STS: variants seen among roughly 807,000 people sequenced by gnomAD.
STS encodes steryl-sulfatase.
STS carries 7 observed loss-of-function variants against 26.8 expected under a neutral mutation model. The ratio of observed to expected loss-of-function variants is 0.26; its 90% CI spans 0.15 to 0.49. The LOEUF is 0.49. Ranked by LOEUF, STS falls within the 20% of genes least tolerant of loss-of-function variation. The pLI, the probability that STS is intolerant of heterozygous loss-of-function variation, is 0.98. For synonymous variants in STS, 199 were observed against 189.4 expected (o/e 1.05, Z -0.42); for missense variants, 434 against 465.6 (o/e 0.93, Z 0.63).
intron 8 of STS, among the ~76,000 whole-genome samples, chrX:7,321,230 C>A (rs1044726077): frequency 6.3e-5 from 7 of 111,343 alleles, no homozygotes; most frequent in African/African-American, 9.8e-5. Flanking sequence ...ATTGAGTAAA[C>A]ATGGACACAA....
chrX:7,194,796 G>A (rs1442337789), intron 2 of STS, among the ~76,000 whole-genome samples: 3 of 111,514 alleles, frequency 2.7e-5, no homozygotes, highest in Non-Finnish European at 3.8e-5. Context: ...GTCACGCATC[G>A]CTGGATGACA....
At chrX:7,177,125 A>G (rs1317355146) in intron 1 of STS, among the ~76,000 whole-genome samples, 1 of 111,337 alleles carries the variant, frequency 9.0e-6, no homozygotes, top group South Asian at 3.8e-4. Flanking sequence ...ATATAATCAC[A>G]TCTACAAACT....
At chrX:7,314,683 A>G (rs182420772) in intron 8 of STS, among the ~76,000 whole-genome samples, 3 of 112,964 alleles carry the variant, frequency 2.7e-5, no homozygotes, top group Non-Finnish European at 5.6e-5. Flanking sequence ...GTTGTTGAAA[A>G]AGTCACATGG....
At chrX:7,229,036 T>G (rs1309652423) in intron 2 of STS, among the ~76,000 whole-genome samples, 1 of 112,556 alleles carries the variant, frequency 8.9e-6, no homozygotes, top group Non-Finnish European at 1.9e-5. Context: ...TCCTGCTAGA[T>G]TCTTTTATGG....
intron 2 of STS, among the ~76,000 whole-genome samples, chrX:7,193,414 G>A (rs1933913390): frequency 1.8e-5 from 2 of 108,723 alleles, no homozygotes; most frequent in African/African-American, 6.7e-5. Flanking sequence ...TAATTTCTTT[G>A]GAAACTGTAC....
rs530790869 is a variant in STS, at chrX:7,193,594, C to A, written c.-5+2586C>A. On this transcript the variant is annotated intron_variant, in intron 2 of 10. Coordinates refer to ENST00000674429, the MANE Select transcript of STS (RefSeq NM_001320752.2). ...GGGTTCATGATTAATTCATGATAAA[C>A]GAATACAGCATTCATTATCCTTTCC... is the stretch of plus-strand genomic sequence containing the variant. Among the ~76,000 whole-genome samples, 85 of 110,829 alleles carry A rather than the reference C, an allele frequency of 7.7e-4. 1 individual carries two copies. The Middle Eastern group carries it at 0.037, about 49-fold the overall frequency.
At chrX:7,195,033 AAAT>A (rs1933947516) in intron 2 of STS, among the ~76,000 whole-genome samples, 1 of 112,033 alleles carries the variant, frequency 8.9e-6, no homozygotes, top group Non-Finnish European at 1.9e-5. Flanking sequence ...GTACTGTAAA[AAAT>A]ATGGAATTAT....
chrX:7,185,937 C>T (rs1933765043), intron 1 of STS, among the ~76,000 whole-genome samples: 1 of 112,490 alleles, frequency 8.9e-6, no homozygotes, highest in Non-Finnish European at 1.9e-5. Context: ...TCAATCCAAG[C>T]TTGCAGACCT....
chrX:7,332,163 C>T (rs1206253320), intron 9 of STS, among the ~76,000 whole-genome samples: 32 of 96,298 alleles, frequency 3.3e-4, no homozygotes, highest in Admixed American at 2.8e-3. Context: ...CAAATCGCTC[C>T]AAAAAAAAAA....
Position 7,352,404 on chromosome X carries a change from G to C in STS, c.*2143G>C, listed in dbSNP as rs1356233876. 2 of 112,256 alleles carry C rather than the reference G, an allele frequency of 1.8e-5. No homozygotes were observed. Among genetic ancestry groups the C allele is most frequent in the African/African-American group, 6.5e-5 (2 of 30,940 alleles). 9.3% of individuals were successfully genotyped at this position (112,256 alleles called of 1,213,427 possible). ...GTATATCTCTAGATGCAAATACATT[G>C]AGTTTAAAAGTGCCTCAAAATAATT... is the stretch of plus-strand genomic sequence containing the variant. On this transcript the variant is annotated 3_prime_UTR_variant, in exon 11 of 11. Coordinates refer to ENST00000674429, the MANE Select transcript of STS (RefSeq NM_001320752.2).
chrX:7,325,584 G>C (rs1437769553), intron 9 of STS, 86 bp downstream of exon 9: 2 of 1,093,148 alleles, frequency 1.8e-6, no homozygotes, highest in Non-Finnish European at 2.5e-6. Flanking sequence ...ATGGTGTGGG[G>C]ACCAAGGCCT....
chrX:7,237,273 C>G (rs1156247571), intron 2 of STS, among the ~76,000 whole-genome samples: 3 of 108,110 alleles, frequency 2.8e-5, no homozygotes, highest in African/African-American at 6.8e-5. Flanking sequence ...AACACGAAGG[C>G]CTTTTAAATA....
At chrX:7,203,775 C>T (rs952145765) in intron 2 of STS, among the ~76,000 whole-genome samples, 2 of 109,539 alleles carry the variant, frequency 1.8e-5, no homozygotes, top group African/African-American at 3.3e-5. Flanking sequence ...TATCCATATG[C>T]AAATATATAT....
intron 1 of STS, among the ~76,000 whole-genome samples, chrX:7,175,640 A>G (rs141592402): frequency 2.7e-5 from 3 of 112,448 alleles, no homozygotes; most frequent in Non-Finnish European, 5.6e-5. Flanking sequence ...AGCCCTTAGT[A>G]CACGATAATG....
At chrX:7,223,894 C>T (rs1018285042) in intron 2 of STS, among the ~76,000 whole-genome samples, 1 of 110,792 alleles carries the variant, frequency 9.0e-6, no homozygotes, top group African/African-American at 3.3e-5. Flanking sequence ...CATAGACATT[C>T]ATTTTTTTTT....
chrX:7,328,596 C>G (rs745397651), intron 9 of STS, among the ~76,000 whole-genome samples: 6 of 105,269 alleles, frequency 5.7e-5, no homozygotes, highest in African/African-American at 2.1e-4. Flanking sequence ...CTCATTTGCC[C>G]AGGCTAGAGT....
intron 7 of STS, among the ~76,000 whole-genome samples, chrX:7,285,117 G>A (rs183317518): frequency 7.4e-4 from 82 of 110,949 alleles, no homozygotes; most frequent in Non-Finnish European, 1.0e-3. Flanking sequence ...AGGAAGCAGG[G>A]GGACGTTGTG....
At chrX:7,182,140 G>A (rs192369944) in intron 1 of STS, among the ~76,000 whole-genome samples, 2 of 111,747 alleles carry the variant, frequency 1.8e-5, no homozygotes, top group East Asian at 5.7e-4. Context: ...CCTTCATTCT[G>A]TTTTCCAAGC....
chrX:7,153,297 T>G (rs1047746166), intron 1 of STS, among the ~76,000 whole-genome samples: 1 of 97,904 alleles, frequency 1.0e-5, no homozygotes, highest in Non-Finnish European at 2.1e-5. Flanking sequence ...CTTCGACTCC[T>G]TCCCTCTCTC....
Sources: gnomAD v4.1 joint callset for allele counts (sites outside exome capture counted in the v4.1 genomes callset) on GRCh38, gnomAD v4.1.1 for gene constraint, MANE v1.5 for transcripts, NCBI Gene and HGNC (gene_info 2026-07-23, HGNC 2026-07-21) for gene names.